Variants in DCC observed in about 807,000 individuals in gnomAD.
The protein encoded by DCC is netrin receptor DCC.
A neutral mutation model predicts 172.5 loss-of-function variants in DCC; 58 were observed. That is an observed-to-expected ratio of 0.34 (90% CI 0.27 to 0.42). The LOEUF (loss-of-function observed/expected upper bound fraction) is 0.42, where lower values mean the gene tolerates loss of function less well. Among genes scored for constraint, DCC ranks in the 10% least tolerant of loss-of-function variants. The probability of loss-of-function intolerance (pLI) is 1.00; values close to 1 mark genes in which losing one functional copy is unlikely to be tolerated. For synonymous variants in DCC, 709 were observed against 644.5 expected (o/e 1.10, Z -1.52); for missense variants, 1,740 against 1,791.0 (o/e 0.97, Z 0.51).
At chr18:52,418,432 G>T (rs938682842) in intron 1 of DCC, among the ~76,000 whole-genome samples, 7 of 152,120 alleles carry the variant, frequency 4.6e-5, no homozygotes, top group Admixed American at 2.0e-4. Context: ...GAGCAGGCAG[G>T]GTGGCTTTTC....
intron 7 of DCC, among the ~76,000 whole-genome samples, chr18:53,151,349 T>C (rs946825281): frequency 1.3e-5 from 2 of 152,144 alleles, no homozygotes; most frequent in African/African-American, 4.8e-5. Context: ...AACTTTTCCA[T>C]AGTCTTACAC....
At chr18:52,790,101 A>T (rs943224957) in intron 2 of DCC, among the ~76,000 whole-genome samples, 1 of 152,184 alleles carries the variant, frequency 6.6e-6, no homozygotes. Context: ...CTGACTTAGC[A>T]CAGGAAGATA....
chr18:52,514,983 C>T (rs548692546), intron 1 of DCC, among the ~76,000 whole-genome samples: 1 of 152,120 alleles, frequency 6.6e-6, no homozygotes, highest in Non-Finnish European at 1.5e-5. Context: ...AGTATTGCCA[C>T]GATACCAAAT....
At chr18:52,909,041 G>T (rs1011043341) in intron 3 of DCC, among the ~76,000 whole-genome samples, 1 of 152,008 alleles carries the variant, frequency 6.6e-6, no homozygotes, top group Non-Finnish European at 1.5e-5. Flanking sequence ...TGGTTTAGAG[G>T]TCAAATTCAC....
At chr18:53,135,195 G>A (rs1337923503) in intron 7 of DCC, among the ~76,000 whole-genome samples, 1 of 152,110 alleles carries the variant, frequency 6.6e-6, no homozygotes, top group African/African-American at 2.4e-5. Flanking sequence ...CCGCTCTCTT[G>A]GTTTCTAGGG....
chr18:53,285,972 A>G (rs1275276128), intron 12 of DCC, among the ~76,000 whole-genome samples: 1 of 152,214 alleles, frequency 6.6e-6, no homozygotes, highest in Admixed American at 6.5e-5. Context: ...CCCATTTGGA[A>G]TGGCTGCATT....
chr18:53,474,915 T>C (rs2045743478), intron 25 of DCC, among the ~76,000 whole-genome samples: 2 of 152,224 alleles, frequency 1.3e-5, no homozygotes, highest in African/African-American at 4.8e-5. Flanking sequence ...TGAATGGCTT[T>C]GGCCAAAATG....
intron 20 of DCC, among the ~76,000 whole-genome samples, chr18:53,412,830 T>C (rs572616797): frequency 6.6e-6 from 1 of 152,310 alleles, no homozygotes; most frequent in South Asian, 2.1e-4. Context: ...CAATAATCAC[T>C]GTTTAATTAA....
intron 15 of DCC, among the ~76,000 whole-genome samples, chr18:53,370,313 C>T (rs1456025349): frequency 6.6e-6 from 1 of 151,618 alleles, no homozygotes; most frequent in African/African-American, 2.4e-5. Context: ...TTTAATTTCT[C>T]ACTTCAGTAA....
At chr18:52,635,489 G>T (rs28441258) in intron 1 of DCC, among the ~76,000 whole-genome samples, 3 of 152,060 alleles carry the variant, frequency 2.0e-5, no homozygotes, top group African/African-American at 7.2e-5. Flanking sequence ...TATATTATTT[G>T]AATTACATGA....
chr18:52,557,943 G>A (rs946387594), intron 1 of DCC, among the ~76,000 whole-genome samples: 4 of 152,172 alleles, frequency 2.6e-5, no homozygotes, highest in African/African-American at 9.7e-5. Flanking sequence ...TTACAAACGT[G>A]AGCCACAGCA....
At chr18:53,018,306 C>T (rs1000707466) in intron 5 of DCC, among the ~76,000 whole-genome samples, 52 of 152,168 alleles carry the variant, frequency 3.4e-4, no homozygotes, top group African/African-American at 1.1e-3. Context: ...GCTACAGCGT[C>T]AAGCTGTCAG....
intron 7 of DCC, among the ~76,000 whole-genome samples, chr18:53,081,360 T>TA (rs970947150): frequency 6.6e-5 from 10 of 152,152 alleles, no homozygotes; most frequent in African/African-American, 2.2e-4. Flanking sequence ...TGAATTTTCT[T>TA]AAAAAAATCT....
intron 12 of DCC, among the ~76,000 whole-genome samples, chr18:53,243,219 A>G (rs1015619526): frequency 6.6e-6 from 1 of 152,110 alleles, no homozygotes; most frequent in Non-Finnish European, 1.5e-5. Context: ...TGTGAAGACA[A>G]CATCTGACTG....
chr18:53,440,755 C>G (rs1912224384), intron 22 of DCC, among the ~76,000 whole-genome samples: 1 of 152,128 alleles, frequency 6.6e-6, no homozygotes, highest in African/African-American at 2.4e-5. Flanking sequence ...TTACAAGAGA[C>G]TGCTCACCTA....
At chr18:53,214,856 A>T (rs920796552) in intron 11 of DCC, among the ~76,000 whole-genome samples, 6 of 152,210 alleles carry the variant, frequency 3.9e-5, no homozygotes, top group African/African-American at 1.4e-4. Context: ...GTATTAAAAG[A>T]GAGCTGTATA....
At chr18:52,471,352 A>G (rs937697233) in intron 1 of DCC, among the ~76,000 whole-genome samples, 2 of 151,988 alleles carry the variant, frequency 1.3e-5, no homozygotes, top group Non-Finnish European at 2.9e-5. Context: ...AATAAATAAA[A>G]CTTACTCTGC....
chr18:53,093,340 T>C (rs1246116223), intron 7 of DCC, among the ~76,000 whole-genome samples: 6 of 152,200 alleles, frequency 3.9e-5, no homozygotes, highest in African/African-American at 1.4e-4. Context: ...ATATTGATGA[T>C]AAAAATTTTG....
In DCC at chr18:53,200,280, G is replaced by A. The variant is rs760114771; in HGVS notation, c.1574-4936G>A. ...CACCAAACACATAGACACATGTACC[G>A]ATTTTAGTTCATACCAGATGTGTGA... On this transcript the variant is annotated intron_variant, in intron 9 of 28. Transcript: ENST00000442544. 3.3e-5 allele frequency among the ~76,000 whole-genome samples: 5 copies of A among 152,268 alleles called. 1 individual carries two copies. In the South Asian group the frequency reaches 8.3e-4, roughly 25 times the overall value.
Sources: gnomAD v4.1 joint callset for allele counts (sites outside exome capture counted in the v4.1 genomes callset) on GRCh38, gnomAD v4.1.1 for gene constraint, MANE v1.5 for transcripts, NCBI Gene and HGNC (gene_info 2026-07-23, HGNC 2026-07-21) for gene names.